Variants in ZP4 observed in about 807,000 individuals in gnomAD.
ZP4 encodes zona pellucida glycoprotein 4, also known as zona pellucida sperm-binding protein 4.
In ZP4, 62 loss-of-function variants were observed where a neutral mutation model predicts 62.3. The ratio of observed to expected loss-of-function variants is 0.99; its 90% CI spans 0.81 to 1.23. The LOEUF is 1.23. ZP4 is among the 50% of genes most tolerant of loss of function. ZP4 has a pLI of 0.00. For synonymous variants in ZP4, 289 were observed against 247.3 expected, an observed-to-expected ratio of 1.17 and a Z score of -1.58; for missense variants, 774 against 656.0, an observed-to-expected ratio of 1.18 and a Z score of -1.97.
At position 237,884,646 on chromosome 1, in the gene ZP4, G is replaced by A. The variant is rs1015861402; in HGVS notation, c.1390+123C>T. ...TCATCTTTGTTCTATGGCACCGCAA[G>A]TACTTAGAGAAGCCTTAGTAAGATG... On this transcript the variant is annotated intron_variant, in intron 10 of 11. Coordinates refer to ENST00000366570, the MANE Select transcript of ZP4 (RefSeq NM_021186.5). 3.6e-6 allele frequency: 3 copies of A among 829,398 alleles called. No homozygotes were observed. The African/African-American group carries it at 5.1e-5, about 14-fold the overall frequency. The allele number at this position is 829,398 out of a possible 1,614,324, so 51.4% of individuals were successfully genotyped here. A position where few individuals can be genotyped will look rare whatever the true frequency, so the allele number is the denominator to read the frequency against.
At chr1:237,885,135 T>A in intron 9 of ZP4, 30 bp downstream of exon 9, 1 of 1,607,620 alleles carries the variant, frequency 6.2e-7, no homozygotes, top group Non-Finnish European at 8.5e-7. Context: ...TTCAGAGCCC[T>A]GGTGAGTGTC....
chr1:237,883,436 C>T (rs562300369), intron 10 of ZP4, among the ~76,000 whole-genome samples: 9 of 151,170 alleles, frequency 6.0e-5, no homozygotes, highest in Non-Finnish European at 7.4e-5. Flanking sequence ...AGACAAAGGC[C>T]GGGCGTGGTG....
rs150140015 is a variant in ZP4, at chr1:237,885,509, C to T, written c.1042G>A (p.Val348Met). 1.3e-4 allele frequency: 210 copies of T among 1,614,126 alleles called. 2 individuals are homozygous for T. The East Asian group carries it at 3.8e-3, about 29-fold the overall frequency. Residue 348 changes from valine to methionine, a missense_variant, in exon 8 of 12, where the codon GTG (valine) becomes ATG (methionine). Physicochemically the swap from Val to Met is conservative, Grantham distance 21. Coordinates refer to ENST00000366570, the MANE Select transcript of ZP4 (RefSeq NM_021186.5). ...VVKLLRDPIY[V>M]EVSILHRTDP... ...GTTCTGTGAAGGATGGAGACCTCCA[C>T]GTAAATGGGATCCCGAAGCAACTTC...
intron 3 of ZP4, 103 bp from the exon 4 acceptor site, chr1:237,888,613 A>G (rs563100383): frequency 1.8e-6 from 2 of 1,119,788 alleles, no homozygotes; most frequent in East Asian, 5.0e-5. Flanking sequence ...AGATATGTAG[A>G]TGATTGAAAT....
chr1:237,884,007 CACACACACAA>C (rs1162749493), intron 10 of ZP4, among the ~76,000 whole-genome samples: 3,377 of 92,082 alleles, frequency 0.037, 148 homozygotes, highest in African/African-American at 0.059. Context: ...CACACACACA[CACACACACAA>C]ACACACACAC....
At chr1:237,882,641 G>T in intron 11 of ZP4, 92 bp from the exon 12 acceptor site, 1 of 1,573,486 alleles carries the variant, frequency 6.4e-7, no homozygotes, top group African/African-American at 1.4e-5. Context: ...CTATAGGAAG[G>T]TCAATTTCTT....
chr1:237,889,767 G>T, intron 3 of ZP4, 100 bp downstream of exon 3: 2 of 1,003,474 alleles, frequency 2.0e-6, no homozygotes, highest in Non-Finnish European at 3.1e-6. Flanking sequence ...CTTCATTAGT[G>T]TCAGGTGTCA....
At position 237,885,400 on chromosome 1, in the gene ZP4, A is replaced by G; in HGVS notation, c.1151T>C (p.Leu384Pro). The G allele has an allele frequency of 6.2e-7, 1 of 1,611,212 alleles. No individual in the cohort carries two copies. The highest frequency in any genetic ancestry group is 1.3e-5 in the African/African-American group (1 of 74,922). ...DPLSQPQWPI[L>P]VKGCPYIGDN... ...TGAAAGAACCACTTACCCCTTTACC[A>G]GGATGGGCCACTGTGGCTGACTCAG... The change falls in exon 8 of 12, where the codon CTG becomes CCG. Residue 384 changes from leucine to proline, a missense_variant. Leu to Pro is a moderately conservative substitution (Grantham distance 98, BLOSUM62 -3). Coordinates refer to ENST00000366570, the MANE Select transcript of ZP4 (RefSeq NM_021186.5).
At chr1:237,889,643 TTAG>T (rs1665190306) in intron 3 of ZP4, among the ~76,000 whole-genome samples, 1 of 152,040 alleles carries the variant, frequency 6.6e-6, no homozygotes. Context: ...TATGTTAGGG[TTAG>T]GGAAGGTAAC....
chr1:237,887,326 A>C (rs373501941), intron 5 of ZP4, 48 bp downstream of exon 5: 7 of 1,597,488 alleles, frequency 4.4e-6, no homozygotes, highest in Middle Eastern at 1.7e-4. Context: ...AGTCACTACA[A>C]CCTTCCCACC....
rs1491177384 is a variant in ZP4, at chr1:237,884,042, A to AC, written c.1390+726_1390+727insG. Among the ~76,000 whole-genome samples, 719 of 117,516 alleles carry AC rather than the reference A, an allele frequency of 6.1e-3. 15 individuals are homozygous for AC. Among genetic ancestry groups the AC allele is most frequent in the African/African-American group, 0.03 (673 of 22,100 alleles). 77.1% of individuals were successfully genotyped at this position (117,516 alleles called of 152,430 possible). A position where few individuals can be genotyped will look rare whatever the true frequency, so the allele number is the denominator to read the frequency against. On this transcript the variant is annotated intron_variant, in intron 10 of 11. Transcript: ENST00000366570. ...AACACACACACACACAAACACACAC[A>AC]AACACACACAAACACACACAAACAC...
intron 5 of ZP4, 44 bp downstream of exon 5, chr1:237,887,330 T>C (rs1450622018): frequency 1.2e-6 from 2 of 1,600,658 alleles, no homozygotes; most frequent in Non-Finnish European, 1.7e-6. Context: ...ACTACAACCT[T>C]CCCACCCAAC....
chr1:237,884,964 G>T, intron 9 of ZP4, 117 bp from the exon 10 acceptor site: 1 of 1,261,366 alleles, frequency 7.9e-7, no homozygotes, highest in Non-Finnish European at 1.1e-6. Flanking sequence ...TATGGTCCAA[G>T]TTGATATCAC....
chr1:237,889,526 C>T (rs2103020644), intron 3 of ZP4, among the ~76,000 whole-genome samples: 1 of 152,082 alleles, frequency 6.6e-6, no homozygotes, highest in Non-Finnish European at 1.5e-5. Context: ...CCATGTTGGT[C>T]AGGCTGGACT....
At chr1:237,883,922 T>C (rs1308798272) in intron 10 of ZP4, among the ~76,000 whole-genome samples, 1 of 150,326 alleles carries the variant, frequency 6.7e-6, no homozygotes. Flanking sequence ...ATCATGCCAT[T>C]GTACTCCAAC....
intron 10 of ZP4, among the ~76,000 whole-genome samples, chr1:237,883,357 A>AG (rs1370515435): frequency 2.6e-5 from 4 of 151,738 alleles, no homozygotes; most frequent in Non-Finnish European, 4.4e-5. Flanking sequence ...GTGGACAGTG[A>AG]GGAAAAAAAG....
chr1:237,886,430 C>T (rs1350917512), intron 6 of ZP4, among the ~76,000 whole-genome samples: 1 of 151,340 alleles, frequency 6.6e-6, no homozygotes, highest in Non-Finnish European at 1.5e-5. Context: ...ATTTGACTGA[C>T]TTAAGGTTTT....
intron 10 of ZP4, among the ~76,000 whole-genome samples, chr1:237,883,967 A>AAC (rs201363836): frequency 0.023 from 1,997 of 86,034 alleles, 138 homozygotes; most frequent in African/African-American, 0.11. Context: ...CACACACACA[A>AAC]ACACACACAC....
intron 10 of ZP4, among the ~76,000 whole-genome samples, chr1:237,883,972 ACACACACACAAAC>A (rs1472728594): frequency 2.7e-4 from 16 of 60,108 alleles, no homozygotes; most frequent in Admixed American, 3.4e-4. Flanking sequence ...ACACAAACAC[ACACACACACAAAC>A]ACACACACAC....
Sources: allele counts gnomAD v4.1 joint callset (sites outside exome capture counted in the v4.1 genomes callset), GRCh38; gene constraint gnomAD v4.1.1; transcripts MANE v1.5; gene names NCBI Gene and HGNC (gene_info 2026-07-23, HGNC 2026-07-21).